Variants in ARID2 observed in about 807,000 individuals in gnomAD.
ARID2 encodes AT-rich interactive domain-containing protein 2.
In ARID2, 32 loss-of-function variants were observed where a neutral mutation model predicts 184.6. The observed-to-expected ratio is 0.17, with a 90% CI of 0.13 to 0.23. The LOEUF is 0.23. ARID2 is among the 10% of genes least tolerant of loss of function. The pLI is 1.00. For missense variants in ARID2, 1,696 were observed against 2,197.6 expected (o/e 0.77, Z 4.56); for synonymous variants, 836 against 772.6 (o/e 1.08, Z -1.36).
chr12:45,742,558 T>C (rs1941283668), intron 3 of ARID2, among the ~76,000 whole-genome samples: 1 of 152,214 alleles, frequency 6.6e-6, no homozygotes, highest in African/African-American at 2.4e-5. Context: ...AATATATATT[T>C]TGCCTTTTTT....
intron 3 of ARID2, among the ~76,000 whole-genome samples, chr12:45,735,843 T>C (rs1185771405): frequency 3.3e-5 from 5 of 152,186 alleles, no homozygotes; most frequent in African/African-American, 7.2e-5. Flanking sequence ...AGACAGATAG[T>C]TTTCACTGAG....
In ARID2 at chr12:45,775,771, TTAAATA is replaced by T. The variant is rs1565591533; in HGVS notation, c.285-35644_285-35639del. 4.6e-5 allele frequency among the ~76,000 whole-genome samples: 7 copies of T among 152,352 alleles called. No homozygotes were observed. The South Asian group carries it at 1.4e-3, about 32-fold the overall frequency. ...CAGATGGATGCAAATAGAATTTAGT[TTAAATA>T]TATTAAGGAACTAATCTTTTCATTT... On this transcript the variant is annotated intron_variant, in intron 3 of 20. Transcript: ENST00000334344.
chr12:45,846,812 C>CT (rs1943451706), intron 11 of ARID2, 44 bp from the exon 12 acceptor site: 1 of 1,589,172 alleles, frequency 6.3e-7, no homozygotes, highest in South Asian at 1.1e-5. Context: ...CAAATAGTGA[C>CT]TAACTTTTAA....
chr12:45,807,473 G>A (rs1320769978), intron 3 of ARID2, among the ~76,000 whole-genome samples: 1 of 152,102 alleles, frequency 6.6e-6, no homozygotes, highest in African/African-American at 2.4e-5. Flanking sequence ...AAATCTGAGA[G>A]AGATTTGGTT....
At chr12:45,738,503 G>A (rs1941175585) in intron 3 of ARID2, among the ~76,000 whole-genome samples, 2 of 151,880 alleles carry the variant, frequency 1.3e-5, no homozygotes, top group African/African-American at 2.4e-5. Flanking sequence ...TAGTAGAGAT[G>A]GGGTTTCAGT....
chr12:45,899,697 A>ATATATATATAGT (rs1944427895), intron 20 of ARID2, among the ~76,000 whole-genome samples: 2 of 105,524 alleles, frequency 1.9e-5, no homozygotes, highest in African/African-American at 9.7e-5. Flanking sequence ...ATATATGGTT[A>ATATATATATAGT]TATATATATA....
intron 6 of ARID2, among the ~76,000 whole-genome samples, chr12:45,821,824 G>C (rs1297352948): frequency 6.6e-6 from 1 of 152,096 alleles, no homozygotes; most frequent in Non-Finnish European, 1.5e-5. Context: ...AATTCAGAAA[G>C]GAATGAAGGG....
intron 15 of ARID2, among the ~76,000 whole-genome samples, chr12:45,853,969 G>A (rs1359770089): frequency 6.6e-6 from 1 of 152,192 alleles, no homozygotes; most frequent in Non-Finnish European, 1.5e-5. Flanking sequence ...AGCGGCAGGT[G>A]AGCGAGTGAA....
chr12:45,796,502 G>GTTTATTTTATTTTAT (rs1226311305), intron 3 of ARID2, among the ~76,000 whole-genome samples: 1 of 151,626 alleles, frequency 6.6e-6, no homozygotes, highest in African/African-American at 2.4e-5. Context: ...TGAATAACAT[G>GTTTATTTTATTTTAT]TTTATTTTAT....
chr12:45,780,435 G>A (rs1214229688), intron 3 of ARID2, among the ~76,000 whole-genome samples: 7 of 151,894 alleles, frequency 4.6e-5, no homozygotes, highest in Non-Finnish European at 8.8e-5. Flanking sequence ...ATTAGTATCT[G>A]CTTTTTTTCA....
chr12:45,841,062 G>A (rs915778654), intron 11 of ARID2: 2 of 152,124 alleles, frequency 1.3e-5, no homozygotes. Context: ...AAATGAAACT[G>A]TTCATATTGC....
At chr12:45,893,079 T>G (rs1421211655) in intron 18 of ARID2, among the ~76,000 whole-genome samples, 3 of 152,206 alleles carry the variant, frequency 2.0e-5, no homozygotes, top group Admixed American at 2.0e-4. Context: ...ATGTTCACAT[T>G]ATATTCAAAG....
chr12:45,735,777 A>T (rs1396141737), intron 3 of ARID2, among the ~76,000 whole-genome samples: 2 of 152,224 alleles, frequency 1.3e-5, no homozygotes, highest in African/African-American at 4.8e-5. Context: ...ATGTCTTAGA[A>T]TCCATGTTTT....
chr12:45,818,265 A>G (rs1173536847), intron 5 of ARID2, among the ~76,000 whole-genome samples: 1 of 152,154 alleles, frequency 6.6e-6, no homozygotes, highest in Non-Finnish European at 1.5e-5. Context: ...AGGTCAATGC[A>G]TTTGAAAATT....
At chr12:45,821,339 T>A in intron 5 of ARID2, 81 bp from the exon 6 acceptor site, 1 of 856,444 alleles carries the variant, frequency 1.2e-6, no homozygotes, top group Non-Finnish European at 1.7e-6. Context: ...TTTGTTGTTT[T>A]TCCAAGCCTA....
rs1754190969 is a variant in ARID2, at chr12:45,837,431, G to T, written c.1120+14G>T. ...TAAAGATGAGAGGTGAGTTTTCACTGAAGTATTTACTTTCTAAAGTAAACA... is the reference window on the plus strand; with the variant it reads ...TAAAGATGAGAGGTGAGTTTTCACTTAAGTATTTACTTTCTAAAGTAAACA... On this transcript the variant is annotated intron_variant, in intron 9 of 20. Coordinates refer to ENST00000334344, the MANE Select transcript of ARID2 (RefSeq NM_152641.4). 9 of 1,609,808 alleles carry T rather than the reference G, an allele frequency of 5.6e-6. No individual in the cohort carries two copies. The highest frequency in any genetic ancestry group is 7.6e-6 in the Non-Finnish European group (9 of 1,177,252).
chr12:45,845,138 A>G (rs1373324801), intron 11 of ARID2, among the ~76,000 whole-genome samples: 1 of 152,120 alleles, frequency 6.6e-6, no homozygotes, highest in Non-Finnish European at 1.5e-5. Context: ...TACATTGTTT[A>G]TAAAGACTTC....
At chr12:45,738,027 A>T (rs1398031852) in intron 3 of ARID2, among the ~76,000 whole-genome samples, 1 of 152,220 alleles carries the variant, frequency 6.6e-6, no homozygotes, top group African/African-American at 2.4e-5. Flanking sequence ...ATTAATTAAA[A>T]ATAAGTGTTC....
chr12:45,815,154 C>G (rs1942783689), intron 4 of ARID2, among the ~76,000 whole-genome samples: 1 of 152,134 alleles, frequency 6.6e-6, no homozygotes, highest in Non-Finnish European at 1.5e-5. Context: ...ACGGGTTCCA[C>G]ATTTTTTTCT....
Sources: gnomAD v4.1 joint callset for allele counts (sites outside exome capture counted in the v4.1 genomes callset) on GRCh38, gnomAD v4.1.1 for gene constraint, MANE v1.5 for transcripts, NCBI Gene and HGNC (gene_info 2026-07-23, HGNC 2026-07-21) for gene names.